Variants in SPAST observed in about 807,000 individuals in gnomAD.
The protein encoded by SPAST is spastic paraplegia 4 (autosomal dominant; spastin).
A neutral mutation model predicts 76.6 loss-of-function variants in SPAST; 30 were observed. The observed-to-expected ratio is 0.39, with a 90% CI of 0.29 to 0.53. The LOEUF is 0.53. Among genes scored for constraint, SPAST ranks in the 20% least tolerant of loss-of-function variants. The pLI is 0.68. For synonymous variants in SPAST, 305 were observed against 281.0 expected (o/e 1.09, Z -0.86); for missense variants, 717 against 770.5 (o/e 0.93, Z 0.82).
intron 7 of SPAST, among the ~76,000 whole-genome samples, chr2:32,125,522 A>G (rs1337346853): frequency 6.6e-6 from 1 of 150,840 alleles, no homozygotes; most frequent in East Asian, 2.0e-4. Context: ...TGCGCCCAGC[A>G]GGTTTTTTTT....
At chr2:32,151,851 CA>C (rs1163982612) in intron 16 of SPAST, among the ~76,000 whole-genome samples, 1 of 150,660 alleles carries the variant, frequency 6.6e-6, no homozygotes, top group African/African-American at 2.4e-5. Context: ...GTGGAGGTTG[CA>C]GTGAGCTGAG....
At chr2:32,099,470 G>T (rs1231323515) in intron 4 of SPAST, among the ~76,000 whole-genome samples, 3 of 151,990 alleles carry the variant, frequency 2.0e-5, no homozygotes, top group Non-Finnish European at 4.4e-5. Flanking sequence ...TTTTCTTTGG[G>T]TAGGGGACTC....
intron 1 of SPAST, among the ~76,000 whole-genome samples, chr2:32,085,081 T>C (rs1451715914): frequency 1.3e-5 from 2 of 152,096 alleles, no homozygotes; most frequent in Non-Finnish European, 2.9e-5. Flanking sequence ...TTTTCCCTTT[T>C]TCAAACTAAA....
intron 4 of SPAST, among the ~76,000 whole-genome samples, chr2:32,100,868 C>T (rs1053559159): frequency 7.9e-5 from 12 of 152,200 alleles, no homozygotes; most frequent in African/African-American, 2.9e-4. Flanking sequence ...CATTGATGGA[C>T]ATTTGCATTG....
intron 3 of SPAST, 47 bp downstream of exon 3, chr2:32,089,652 G>C: frequency 1.0e-6 from 1 of 983,002 alleles, no homozygotes; most frequent in Non-Finnish European, 1.7e-6. Context: ...GGAAATGTGT[G>C]TTCAATGAAA....
rs183672876 is a variant in SPAST at position 32,151,898 on chromosome 2, C to A, written c.1729-2476C>A. On this transcript the variant is annotated intron_variant, in intron 16 of 16. Transcript: ENST00000315285. The stretch of plus-strand genomic sequence containing the variant: ...TGCACTCCAGTCTGTGCGACAGGAG[C>A]GAGACTCCATCTCCAAAAAAAAAAA... 3.4e-5 allele frequency among the ~76,000 whole-genome samples: 5 copies of A among 147,400 alleles called. No individual in the cohort carries two copies. The East Asian group carries it at 8.0e-4, about 24-fold the overall frequency.
rs1573028495 is a variant in SPAST at position 32,064,213 on chromosome 2, T to G, written c.382T>G (p.Ser128Ala). Reference sequence around the variant, plus strand: ...CCACAAACAGGCCTTCGAGTACATCTCCATTGCCCTGCGCATCGATGAGGA... The same window carrying G: ...CCACAAACAGGCCTTCGAGTACATCGCCATTGCCCTGCGCATCGATGAGGA... ...VFHKQAFEYISIALRIDEDEK... is the reference protein window; with the variant it reads ...VFHKQAFEYIAIALRIDEDEK... The change falls in exon 1 of 17, where the codon TCC becomes GCC. Residue 128 changes from serine to alanine, a missense_variant. Physicochemically the swap from Ser to Ala is moderately conservative, Grantham distance 99 (BLOSUM62 1). Around this residue, in one of 3 missense-constraint regions of SPAST, gnomAD observed 543 missense variants for 445.2 expected, o/e 1.22. Transcript: ENST00000315285. 1 of 1,468,042 alleles carries G rather than the reference T, an allele frequency of 6.8e-7. No individual in the cohort carries two copies. The highest frequency in any genetic ancestry group is 3.0e-5 in the East Asian group (1 of 33,652). 90.9% of individuals were successfully genotyped at this position (1,468,042 alleles called of 1,614,324 possible).
At chr2:32,069,407 C>T (rs1042200234) in intron 1 of SPAST, among the ~76,000 whole-genome samples, 3 of 152,114 alleles carry the variant, frequency 2.0e-5, no homozygotes. Flanking sequence ...GTAATTCTTC[C>T]TCTTTCTCAG....
intron 1 of SPAST, among the ~76,000 whole-genome samples, chr2:32,083,750 C>CTATATATATTTATATATACTA (rs1677345245): frequency 3.2e-5 from 2 of 62,870 alleles, no homozygotes; most frequent in Admixed American, 2.4e-4. Context: ...TTTATATATA[C>CTATATATATTTATATATACTA]TATATATATA....
chr2:32,086,878 C>G (rs1160562274), intron 1 of SPAST, among the ~76,000 whole-genome samples: 2 of 152,122 alleles, frequency 1.3e-5, no homozygotes, highest in African/African-American at 2.4e-5. Context: ...GATCACTTTA[C>G]AGAAGTTATT....
intron 2 of SPAST, among the ~76,000 whole-genome samples, chr2:32,089,218 T>C (rs72862282): frequency 0.12 from 15,121 of 129,554 alleles, 1,158 homozygotes; most frequent in Middle Eastern, 0.23. Flanking sequence ...TTTTTTTTTT[T>C]AAGTAGAGAC....
chr2:32,136,742 A>T, intron 10 of SPAST, 104 bp downstream of exon 10: 2 of 1,269,638 alleles, frequency 1.6e-6, no homozygotes, highest in Non-Finnish European at 2.3e-6. Flanking sequence ...AGAAGTTTTA[A>T]AGAAGGGCAA....
At position 32,137,119 on chromosome 2, in the gene SPAST, C is replaced by T. The variant is rs745342712; in HGVS notation, c.1424C>T (p.Ala475Val). Residue 475 changes from alanine to valine, a missense_variant, in exon 12 of 17, where the codon GCT (alanine) becomes GTT (valine). Physicochemically the swap from Ala to Val is moderately conservative, Grantham distance 64. Around this residue, in one of 3 missense-constraint regions of SPAST, gnomAD observed 78 missense variants for 197.6 expected, o/e 0.39. Transcript: ENST00000315285. ...FLIEFDGVQS[A>V]GDDRVLVMGA... ...ATTTTTTGCTTGTAGGTACAGTCTG[C>T]TGGAGATGACAGAGTACTTGTAATG... The T allele has an allele frequency of 5.6e-6, 9 of 1,613,434 alleles. No individual in the cohort carries two copies. The highest frequency in any genetic ancestry group is 2.7e-5 in the African/African-American group (2 of 74,890).
At position 32,156,431 on chromosome 2, in the gene SPAST, A is replaced by C. The variant is rs1430522784; in HGVS notation, c.*1935A>C. On this transcript the variant is annotated 3_prime_UTR_variant, in exon 17 of 17. Transcript: ENST00000315285. ...ATGACTTTGGAACTCCCTGAATAAT[A>C]AAAATGAGAGTTGAGATAAATAGGG... 1 of 152,226 alleles carries C rather than the reference A, an allele frequency of 6.6e-6. No homozygotes were observed. Among genetic ancestry groups the C allele is most frequent in the Non-Finnish European group, 1.5e-5 (1 of 68,050 alleles). 9.4% of individuals were successfully genotyped at this position (152,226 alleles called of 1,614,324 possible). A position where few individuals can be genotyped will look rare whatever the true frequency, so the allele number is the denominator to read the frequency against.
chr2:32,132,188 A>G (rs1168247140), intron 9 of SPAST, among the ~76,000 whole-genome samples: 1 of 151,872 alleles, frequency 6.6e-6, no homozygotes, highest in African/African-American at 2.4e-5. Flanking sequence ...TCAGGAGTTC[A>G]AGACCAGGCT....
In SPAST at chr2:32,146,742, G is replaced by C. The variant is rs1275931442; in HGVS notation, c.1688-476G>C. ...TAGCCAGGCGTGGTTGTGCGCACCT[G>C]TAATCCCAGCTACTCAGGAGGCTGA... On this transcript the variant is annotated intron_variant, in intron 15 of 16. Transcript: ENST00000315285. Among the ~76,000 whole-genome samples the C allele has an allele frequency of 2.0e-5, 3 of 149,638 alleles. No individual in the cohort carries two copies. The South Asian group carries it at 6.4e-4, about 32-fold the overall frequency.
intron 1 of SPAST, among the ~76,000 whole-genome samples, chr2:32,085,446 G>T (rs1016676540): frequency 5.3e-5 from 8 of 151,846 alleles, no homozygotes; most frequent in African/African-American, 1.5e-4. Context: ...TGAGCTCCTG[G>T]GCTCAAGCAG....
rs140388377 is a variant in SPAST at position 32,101,740 on chromosome 2, C to G, written c.682+2849C>G. Among the ~76,000 whole-genome samples, 280 of 152,208 alleles carry G rather than the reference C, an allele frequency of 1.8e-3. 2 individuals carry two copies. The highest frequency in any genetic ancestry group is 6.5e-3 in the African/African-American group (271 of 41,516). ...CATTTATTAAATAGGAAATCCTTTC[C>G]CCATTTATTGTTTTTGTCAGGTTTG... On this transcript the variant is annotated intron_variant, in intron 4 of 16. Coordinates refer to ENST00000315285, the MANE Select transcript of SPAST (RefSeq NM_014946.4).
chr2:32,101,234 T>G (rs1448906182), intron 4 of SPAST, among the ~76,000 whole-genome samples: 1 of 152,228 alleles, frequency 6.6e-6, no homozygotes, highest in African/African-American at 2.4e-5. Flanking sequence ...TTTTTTCATG[T>G]GTCTTTTGGC....
Sources: allele counts gnomAD v4.1 joint callset (sites outside exome capture counted in the v4.1 genomes callset), GRCh38; gene constraint gnomAD v4.1.1; regional missense constraint gnomAD v4.1.1; transcripts MANE v1.5; gene names NCBI Gene and HGNC (gene_info 2026-07-23, HGNC 2026-07-21).